The following GALNT1 variants were observed in gnomAD, a reference collection of about 807,000 sequenced individuals.
GALNT1 encodes polypeptide N-acetylgalactosaminyltransferase 1.
Under a neutral mutation model 65.7 loss-of-function variants are expected in GALNT1, and 17 were observed. The ratio of observed to expected loss-of-function variants is 0.26; its 90% confidence interval spans 0.18 to 0.39. GALNT1 has a LOEUF of 0.39. Ranked by LOEUF, GALNT1 falls within the 10% of genes least tolerant of loss-of-function variation. The pLI, the probability that GALNT1 is intolerant of heterozygous loss-of-function variation, is 1.00. For missense variants in GALNT1, 460 were observed against 672.8 expected (o/e 0.68, Z 3.50); for synonymous variants, 210 against 219.7 (o/e 0.96, Z 0.39).
At chr18:35,636,316 T>C (rs2047087945) in intron 1 of GALNT1, among the ~76,000 whole-genome samples, 1 of 152,320 alleles carries the variant, frequency 6.6e-6, no homozygotes, top group East Asian at 1.9e-4. Flanking sequence ...GTCTCAGTTA[T>C]TGGTCCTGCA....
intron 1 of GALNT1, among the ~76,000 whole-genome samples, chr18:35,615,873 A>G (rs2046777573): frequency 6.6e-6 from 1 of 152,230 alleles, no homozygotes; most frequent in Non-Finnish European, 1.5e-5. Flanking sequence ...GCACTACTCC[A>G]TGGCAGAGGT....
At chr18:35,707,579 C>T (rs1427542829) in intron 11 of GALNT1, among the ~76,000 whole-genome samples, 1 of 152,172 alleles carries the variant, frequency 6.6e-6, no homozygotes, top group East Asian at 1.9e-4. Context: ...GTCCTGATGT[C>T]GAATAGTTAA....
At chr18:35,631,399 A>T (rs913079652) in intron 1 of GALNT1, among the ~76,000 whole-genome samples, 1 of 152,246 alleles carries the variant, frequency 6.6e-6, no homozygotes, top group Non-Finnish European at 1.5e-5. Context: ...AGGCTGGTTC[A>T]ACATACGCAA....
At chr18:35,614,689 GAGTT>G (rs1174945659) in intron 1 of GALNT1, among the ~76,000 whole-genome samples, 2 of 152,014 alleles carry the variant, frequency 1.3e-5, no homozygotes, top group African/African-American at 4.8e-5. Flanking sequence ...GAAAATTCAG[GAGTT>G]TATTAAGTTG....
At chr18:35,690,021 CTT>C (rs1225406222) in intron 7 of GALNT1, among the ~76,000 whole-genome samples, 2 of 152,060 alleles carry the variant, frequency 1.3e-5, no homozygotes, top group Non-Finnish European at 2.9e-5. Flanking sequence ...AGCTCTAACA[CTT>C]ATAATCCTGG....
intron 1 of GALNT1, chr18:35,627,415 A>AT (rs2046932782): frequency 6.6e-6 from 1 of 152,168 alleles, no homozygotes. Flanking sequence ...ATTTTAGGAC[A>AT]TTCATTTTTC....
intron 4 of GALNT1, among the ~76,000 whole-genome samples, chr18:35,679,196 A>G (rs1260883724): frequency 6.6e-6 from 1 of 152,232 alleles, no homozygotes; most frequent in African/African-American, 2.4e-5. Flanking sequence ...CTAAGTTAAT[A>G]TAAGGAGGAA....
At chr18:35,668,339 G>A (rs1339430609) in intron 3 of GALNT1, among the ~76,000 whole-genome samples, 2 of 152,126 alleles carry the variant, frequency 1.3e-5, no homozygotes, top group African/African-American at 2.4e-5. Context: ...CGTCATTACA[G>A]ATCCAGACCT....
chr18:35,673,264 T>A (rs1024847248), intron 3 of GALNT1, among the ~76,000 whole-genome samples: 1 of 152,352 alleles, frequency 6.6e-6, no homozygotes, highest in African/African-American at 2.4e-5. Flanking sequence ...TATACATGCA[T>A]AGTCACCTTG....
intron 3 of GALNT1, among the ~76,000 whole-genome samples, chr18:35,668,793 G>A (rs779967500): frequency 2.0e-5 from 3 of 152,022 alleles, no homozygotes; most frequent in African/African-American, 4.8e-5. Flanking sequence ...CCACAATGAC[G>A]TAAAGATAAG....
intron 1 of GALNT1, among the ~76,000 whole-genome samples, chr18:35,594,225 T>C (rs2046477954): frequency 6.6e-6 from 1 of 152,064 alleles, no homozygotes; most frequent in Non-Finnish European, 1.5e-5. Flanking sequence ...GGAGCAAGGC[T>C]TCTAAGGCTT....
chr18:35,687,139 C>G lies in GALNT1; in HGVS notation c.813C>G (p.Pro271=). ...TCAATTTTCGCTGGTATCCTGTTCC[C>G]CAAAGAGAAATGGACAGAAGGAAAG... is the stretch of plus-strand genomic sequence containing the variant. ...WKLNFRWYPV[P]QREMDRRKGD... The change falls in exon 6 of 12, where the codon CCC becomes CCG. Residue 271 remains proline, a synonymous_variant. Coordinates refer to ENST00000269195, the MANE Select transcript of GALNT1 (RefSeq NM_020474.4). 1 of 1,613,650 alleles carries G rather than the reference C, an allele frequency of 6.2e-7. No individual in the cohort carries two copies. Among genetic ancestry groups the G allele is most frequent in the South Asian group, 1.1e-5 (1 of 91,054 alleles).
At chr18:35,589,956 C>G (rs1293777282) in intron 1 of GALNT1, among the ~76,000 whole-genome samples, 1 of 152,248 alleles carries the variant, frequency 6.6e-6, no homozygotes, top group Non-Finnish European at 1.5e-5. Flanking sequence ...CTCTCACCCT[C>G]TCTCCTTACT....
intron 11 of GALNT1, among the ~76,000 whole-genome samples, chr18:35,709,052 C>T (rs534889326): frequency 5.2e-4 from 79 of 152,280 alleles, no homozygotes; most frequent in African/African-American, 1.8e-3. Context: ...TGGACATAGG[C>T]ATAAGATTGA....
At chr18:35,625,025 G>C (rs2046898367) in intron 1 of GALNT1, among the ~76,000 whole-genome samples, 1 of 152,138 alleles carries the variant, frequency 6.6e-6, no homozygotes, top group Admixed American at 6.5e-5. Context: ...TTACTACTTG[G>C]TGCTACAGTG....
At chr18:35,631,601 T>C (rs2144203011) in intron 1 of GALNT1, among the ~76,000 whole-genome samples, 1 of 152,264 alleles carries the variant, frequency 6.6e-6, no homozygotes, top group East Asian at 1.9e-4. Flanking sequence ...GCCAATATCA[T>C]ACTGAATGGG....
intron 1 of GALNT1, among the ~76,000 whole-genome samples, chr18:35,635,418 C>T (rs1427273576): frequency 6.6e-6 from 1 of 152,156 alleles, no homozygotes; most frequent in African/African-American, 2.4e-5. Context: ...TGCTGACAGC[C>T]TGGTACATCC....
chr18:35,632,771 G>C (rs1273744195), intron 1 of GALNT1, among the ~76,000 whole-genome samples: 1 of 152,116 alleles, frequency 6.6e-6, no homozygotes, highest in Admixed American at 6.5e-5. Flanking sequence ...GCAACCTACA[G>C]AATGGGAGAA....
At chr18:35,638,386 A>G (rs1298116647) in intron 1 of GALNT1, among the ~76,000 whole-genome samples, 1 of 152,066 alleles carries the variant, frequency 6.6e-6, no homozygotes, top group Non-Finnish European at 1.5e-5. Context: ...GCAGGCATTT[A>G]TTTATACAGA....
Sources: gnomAD v4.1 joint callset for allele counts (sites outside exome capture counted in the v4.1 genomes callset) on GRCh38, gnomAD v4.1.1 for gene constraint, MANE v1.5 for transcripts, NCBI Gene and HGNC (gene_info 2026-07-23, HGNC 2026-07-21) for gene names.